The following FAM110B variants were observed in gnomAD, a reference collection of about 807,000 sequenced individuals.
FAM110B encodes the protein protein FAM110B.
Under a neutral mutation model 20.4 loss-of-function variants are expected in FAM110B, and 6 were observed. That is an observed-to-expected ratio of 0.29 (90% confidence interval 0.16 to 0.58). The LOEUF (loss-of-function observed/expected upper bound fraction) is 0.58, where lower values mean the gene tolerates loss of function less well. FAM110B is among the 20% of genes least tolerant of loss of function. The pLI, the probability that FAM110B is intolerant of heterozygous loss-of-function variation, is 0.90. For missense variants in FAM110B, 434 were observed against 498.2 expected, an observed-to-expected ratio of 0.87 and a Z score of 1.23; for synonymous variants, 226 against 214.1, an observed-to-expected ratio of 1.06 and a Z score of -0.49.
intron 3 of FAM110B, among the ~76,000 whole-genome samples, chr8:58,091,287 A>C (rs1806470869): frequency 1.3e-5 from 2 of 152,212 alleles, no homozygotes; most frequent in African/African-American, 4.8e-5. Context: ...CCAGGATGTG[A>C]GAGTGCCTAG....
intron 2 of FAM110B, chr8:58,070,478 T>C (rs1032966868): frequency 3.9e-5 from 6 of 152,206 alleles, no homozygotes; most frequent in African/African-American, 1.4e-4. Flanking sequence ...TGATCTTGCT[T>C]TGTTAATACC....
At chr8:58,104,092 A>T (rs1198876299) in intron 3 of FAM110B, among the ~76,000 whole-genome samples, 1 of 152,172 alleles carries the variant, frequency 6.6e-6, no homozygotes, top group African/African-American at 2.4e-5. Context: ...CCCATATTTC[A>T]TGCTTTGATT....
chr8:58,133,302 TG>T (rs1803528101), intron 3 of FAM110B, among the ~76,000 whole-genome samples: 1 of 152,054 alleles, frequency 6.6e-6, no homozygotes, highest in Admixed American at 6.6e-5. Flanking sequence ...TTTTTAGATT[TG>T]TATTCTTTTA....
At chr8:58,105,359 G>C (rs536408846) in intron 3 of FAM110B, among the ~76,000 whole-genome samples, 2 of 152,158 alleles carry the variant, frequency 1.3e-5, no homozygotes, top group East Asian at 3.9e-4. Flanking sequence ...ATATTCTGCT[G>C]TTCTGTTGGC....
chr8:58,042,392 C>G (rs761182497), intron 2 of FAM110B, among the ~76,000 whole-genome samples: 3 of 152,160 alleles, frequency 2.0e-5, no homozygotes, highest in Non-Finnish European at 4.4e-5. Context: ...AATTAGGGGA[C>G]CCATTTGTCT....
intron 3 of FAM110B, among the ~76,000 whole-genome samples, chr8:58,095,656 C>T (rs1806604761): frequency 6.6e-6 from 1 of 152,006 alleles, no homozygotes; most frequent in Non-Finnish European, 1.5e-5. Flanking sequence ...GTTTTACTTC[C>T]AATTATGTGG....
chr8:58,033,587 G>T (rs6994685), intron 2 of FAM110B, among the ~76,000 whole-genome samples: 14 of 151,910 alleles, frequency 9.2e-5, no homozygotes, highest in Non-Finnish European at 1.6e-4. Flanking sequence ...AAATAGCCCC[G>T]GTAAAAAGTG....
intron 1 of FAM110B, among the ~76,000 whole-genome samples, chr8:58,016,890 G>A (rs1029576368): frequency 7.9e-5 from 12 of 152,184 alleles, no homozygotes; most frequent in Admixed American, 2.0e-4. Flanking sequence ...TCTAAGAGAA[G>A]GTAGATGTTA....
intron 3 of FAM110B, among the ~76,000 whole-genome samples, chr8:58,119,578 A>G (rs914498279): frequency 7.9e-5 from 12 of 152,226 alleles, no homozygotes; most frequent in Non-Finnish European, 1.5e-5. Flanking sequence ...GCGTAAATTT[A>G]TCCTTGTGAC....
At chr8:58,028,650 T>C (rs1031824511) in intron 1 of FAM110B, among the ~76,000 whole-genome samples, 4 of 152,174 alleles carry the variant, frequency 2.6e-5, no homozygotes, top group African/African-American at 9.7e-5. Flanking sequence ...AAAAGAAATA[T>C]AAGGAAAATA....
At chr8:58,006,757 C>T (rs1274288857) in intron 1 of FAM110B, among the ~76,000 whole-genome samples, 2 of 151,362 alleles carry the variant, frequency 1.3e-5, no homozygotes, top group Non-Finnish European at 2.9e-5. Context: ...CACGTGCCAC[C>T]GCACCTGGCT....
intron 3 of FAM110B, among the ~76,000 whole-genome samples, chr8:58,141,083 C>T (rs1360548262): frequency 6.6e-6 from 1 of 152,168 alleles, no homozygotes; most frequent in African/African-American, 2.4e-5. Flanking sequence ...CCGTGGGAAA[C>T]TGCATTTTTA....
intron 3 of FAM110B, among the ~76,000 whole-genome samples, chr8:58,143,166 C>T (rs1045398383): frequency 2.0e-5 from 3 of 152,246 alleles, no homozygotes; most frequent in African/African-American, 7.2e-5. Context: ...AGACAGCAAC[C>T]TAAGTCACCT....
chr8:58,079,556 C>T (rs550500973), intron 3 of FAM110B, among the ~76,000 whole-genome samples: 10 of 152,186 alleles, frequency 6.6e-5, no homozygotes, highest in South Asian at 2.1e-4. Context: ...TTAGGAAGAT[C>T]GCTTCAGACC....
chr8:58,127,541 G>GA (rs1299262477), intron 3 of FAM110B, among the ~76,000 whole-genome samples: 6 of 151,784 alleles, frequency 4.0e-5, no homozygotes, highest in African/African-American at 1.2e-4. Context: ...TGTCTACATA[G>GA]AAAATCTCAA....
At chr8:58,040,549 C>T (rs116102279) in intron 2 of FAM110B, among the ~76,000 whole-genome samples, 227 of 152,240 alleles carry the variant, frequency 1.5e-3, no homozygotes, top group African/African-American at 5.0e-3. Context: ...GCAGCAGTGG[C>T]CATTAGCCCA....
chr8:58,080,794 G>C (rs536902589), intron 3 of FAM110B, among the ~76,000 whole-genome samples: 1 of 152,224 alleles, frequency 6.6e-6, no homozygotes, highest in South Asian at 2.1e-4. Context: ...ATTCACCAGG[G>C]GAGCAATGCT....
intron 3 of FAM110B, among the ~76,000 whole-genome samples, chr8:58,144,223 C>T (rs1213103838): frequency 6.6e-6 from 1 of 152,114 alleles, no homozygotes; most frequent in Non-Finnish European, 1.5e-5. Flanking sequence ...CCAAGGGTCC[C>T]GGGTATGATG....
At chr8:58,022,960 A>G (rs910104623) in intron 1 of FAM110B, among the ~76,000 whole-genome samples, 1 of 152,212 alleles carries the variant, frequency 6.6e-6, no homozygotes, top group South Asian at 2.1e-4. Context: ...CAAACAGATT[A>G]TATGAGACTT....
Sources: allele counts gnomAD v4.1 joint callset (sites outside exome capture counted in the v4.1 genomes callset), GRCh38; gene constraint gnomAD v4.1.1; transcripts MANE v1.5; gene names NCBI Gene and HGNC (gene_info 2026-07-23, HGNC 2026-07-21).